Variants in SLC39A11 observed in about 807,000 individuals in gnomAD.
The protein encoded by SLC39A11 is zinc transporter ZIP11.
A neutral mutation model predicts 36.1 loss-of-function variants in SLC39A11; 33 were observed. That is an observed-to-expected ratio of 0.91 (90% confidence interval 0.69 to 1.22). The LOEUF is 1.22. Ranked by LOEUF, SLC39A11 falls within the 50% of genes most tolerant of loss-of-function variation. The pLI, the probability that SLC39A11 is intolerant of heterozygous loss-of-function variation, is 0.00. For synonymous variants in SLC39A11, 166 were observed against 170.3 expected, an observed-to-expected ratio of 0.97 and a Z score of 0.20; for missense variants, 432 against 430.3, an observed-to-expected ratio of 1.00 and a Z score of -0.03.
chr17:72,972,745 A>G (rs1364068237), intron 4 of SLC39A11, among the ~76,000 whole-genome samples: 1 of 152,136 alleles, frequency 6.6e-6, no homozygotes, highest in East Asian at 1.9e-4. Context: ...AGCCCTCACT[A>G]GGCCTCTTGG....
intron 5 of SLC39A11, among the ~76,000 whole-genome samples, chr17:72,861,592 C>T (rs1567841342): frequency 1.4e-5 from 2 of 142,052 alleles, no homozygotes; most frequent in African/African-American, 5.3e-5. Flanking sequence ...GACAGACAGA[C>T]AGATGGATAA....
intron 4 of SLC39A11, among the ~76,000 whole-genome samples, chr17:72,991,346 TTTTA>T (rs1160056872): frequency 6.6e-6 from 1 of 152,012 alleles, no homozygotes; most frequent in Non-Finnish European, 1.5e-5. Context: ...CTTTTGTTAT[TTTTA>T]TTTATTTTTT....
At chr17:72,849,312 ACCC>A (rs1170987638) in intron 6 of SLC39A11, among the ~76,000 whole-genome samples, 1 of 152,324 alleles carries the variant, frequency 6.6e-6, no homozygotes, top group East Asian at 1.9e-4. Context: ...AACCAGAGAT[ACCC>A]AGTATTTATA....
At chr17:72,723,005 C>T (rs1379733057) in intron 7 of SLC39A11, among the ~76,000 whole-genome samples, 1 of 152,166 alleles carries the variant, frequency 6.6e-6, no homozygotes, top group Non-Finnish European at 1.5e-5. Context: ...TGCATCTTTC[C>T]TTCAATGCCT....
At position 73,049,398 on chromosome 17, in the gene SLC39A11, G is replaced by A. The variant is rs546855264; in HGVS notation, c.148-17684C>T. Among the ~76,000 whole-genome samples the A allele has an allele frequency of 4.7e-4, 71 of 151,922 alleles. 1 individual carries two copies. The South Asian group carries it at 4.8e-3, about 10-fold the overall frequency. On this transcript the variant is annotated intron_variant, in intron 3 of 9. Coordinates refer to ENST00000255559, the MANE Select transcript of SLC39A11 (RefSeq NM_139177.4). ...CCTTCCAGGGCAGGAGCAGCTGGGC[G>A]GACGCGCCTTCCAGGAGCAGCAGGG...
chr17:72,669,840 C>T (rs2070916169), intron 7 of SLC39A11, among the ~76,000 whole-genome samples: 1 of 151,676 alleles, frequency 6.6e-6, no homozygotes, highest in African/African-American at 2.4e-5. Flanking sequence ...ACAAAACAAA[C>T]TATATGTATA....
At chr17:72,935,252 A>AC (rs2084673358) in intron 5 of SLC39A11, among the ~76,000 whole-genome samples, 2 of 152,228 alleles carry the variant, frequency 1.3e-5, no homozygotes, top group Non-Finnish European at 2.9e-5. Flanking sequence ...GCCAAGTAGA[A>AC]AGAAGTTAGA....
intron 7 of SLC39A11, among the ~76,000 whole-genome samples, chr17:72,702,854 T>C (rs1250627689): frequency 7.1e-6 from 1 of 140,548 alleles, no homozygotes; most frequent in Non-Finnish European, 1.5e-5. Context: ...GGAGAATCGC[T>C]TGAACCCTGG....
At position 72,732,606 on chromosome 17, in the gene SLC39A11, T is replaced by C. The variant is rs531687788; in HGVS notation, c.671+4044A>G. 3.3e-5 allele frequency among the ~76,000 whole-genome samples: 5 copies of C among 152,290 alleles called. No homozygotes were observed. The South Asian group carries it at 1.0e-3, about 32-fold the overall frequency. ...GTTTTGTTATTTCTAGTTTTGTGAG[T>C]GCTATCTTTCCTGCGCAGCGGCATG... is the stretch of plus-strand genomic sequence containing the variant. On this transcript the variant is annotated intron_variant, in intron 7 of 9. Transcript: ENST00000255559.
At chr17:72,655,828 G>A (rs897040780) in intron 7 of SLC39A11, among the ~76,000 whole-genome samples, 5 of 152,166 alleles carry the variant, frequency 3.3e-5, no homozygotes, top group East Asian at 3.9e-4. Flanking sequence ...TGAGGACCCC[G>A]TGGCAGGGAT....
At chr17:73,060,387 G>A (rs2059806974) in intron 3 of SLC39A11, among the ~76,000 whole-genome samples, 1 of 151,796 alleles carries the variant, frequency 6.6e-6, no homozygotes, top group Non-Finnish European at 1.5e-5. Context: ...GATAACTATA[G>A]AAAACTATTA....
chr17:73,045,069 C>T (rs2059235376), intron 3 of SLC39A11, among the ~76,000 whole-genome samples: 2 of 152,146 alleles, frequency 1.3e-5, no homozygotes, highest in African/African-American at 4.8e-5. Context: ...ATTTGCTACA[C>T]AGACAGCATG....
chr17:72,960,576 G>A (rs2086544981), intron 4 of SLC39A11, among the ~76,000 whole-genome samples: 1 of 152,094 alleles, frequency 6.6e-6, no homozygotes, highest in African/African-American at 2.4e-5. Flanking sequence ...AGAATCCCTT[G>A]ACCCCACGAG....
At chr17:72,842,006 GC>G (rs2078836162) in intron 6 of SLC39A11, among the ~76,000 whole-genome samples, 1 of 151,972 alleles carries the variant, frequency 6.6e-6, no homozygotes. Flanking sequence ...CAAGGTTGAG[GC>G]CGCAGTGAGC....
intron 4 of SLC39A11, among the ~76,000 whole-genome samples, chr17:72,980,976 T>C: frequency 6.7e-6 from 1 of 148,426 alleles, no homozygotes. Flanking sequence ...TGAGCTGAGA[T>C]CATGCCACTG....
chr17:72,801,615 T>C (rs1449601293), intron 6 of SLC39A11, among the ~76,000 whole-genome samples: 1 of 152,248 alleles, frequency 6.6e-6, no homozygotes, highest in Admixed American at 6.5e-5. Flanking sequence ...TTGTAAATGG[T>C]TGAACTGTAT....
intron 6 of SLC39A11, among the ~76,000 whole-genome samples, chr17:72,845,146 A>T (rs1299691708): frequency 6.6e-6 from 1 of 152,212 alleles, no homozygotes; most frequent in Non-Finnish European, 1.5e-5. Context: ...CCTAAGTCCC[A>T]TCTCAATTCA....
chr17:73,089,338 C>A (rs1034397606), intron 1 of SLC39A11, among the ~76,000 whole-genome samples: 2 of 152,200 alleles, frequency 1.3e-5, no homozygotes, highest in African/African-American at 4.8e-5. Context: ...CTCCATCATG[C>A]CTGCACGAGC....
intron 4 of SLC39A11, among the ~76,000 whole-genome samples, chr17:73,029,222 G>C (rs747096201): frequency 1.3e-5 from 2 of 151,918 alleles, no homozygotes; most frequent in Non-Finnish European, 2.9e-5. Flanking sequence ...AAATACATCT[G>C]ATACCGCCCC....
Sources: gnomAD v4.1 joint callset for allele counts (sites outside exome capture counted in the v4.1 genomes callset) on GRCh38, gnomAD v4.1.1 for gene constraint, MANE v1.5 for transcripts, NCBI Gene and HGNC (gene_info 2026-07-23, HGNC 2026-07-21) for gene names.